The following CCDC192 variants were observed in gnomAD, a reference collection of about 807,000 sequenced individuals.
CCDC192 encodes coiled-coil domain containing 192.
intron 2 of CCDC192, among the ~76,000 whole-genome samples, chr5:127,712,253 A>G (rs1204130948): frequency 6.6e-6 from 1 of 152,122 alleles, no homozygotes; most frequent in African/African-American, 2.4e-5. Context: ...CAGATTGGAT[A>G]TGGTTTGTTT....
intron 5 of CCDC192, among the ~76,000 whole-genome samples, chr5:127,803,774 A>G (rs889281086): frequency 1.3e-5 from 2 of 152,158 alleles, no homozygotes; most frequent in African/African-American, 4.8e-5. Context: ...ATAATATTCA[A>G]TGGGTTTATT....
chr5:127,716,840 C>G (rs1195278692), intron 2 of CCDC192, among the ~76,000 whole-genome samples: 2 of 152,190 alleles, frequency 1.3e-5, no homozygotes, highest in Non-Finnish European at 2.9e-5. Context: ...CCATATCTCC[C>G]CTTGGAATTG....
intron 5 of CCDC192, among the ~76,000 whole-genome samples, chr5:127,867,482 A>G (rs1751661901): frequency 6.6e-6 from 1 of 152,210 alleles, no homozygotes; most frequent in Non-Finnish European, 1.5e-5. Flanking sequence ...CACTTCTTAC[A>G]GATGTTTGCC....
intron 3 of CCDC192, among the ~76,000 whole-genome samples, chr5:127,775,076 C>T (rs1395800909): frequency 6.6e-6 from 1 of 152,032 alleles, no homozygotes; most frequent in African/African-American, 2.4e-5. Context: ...TAAATCATGC[C>T]TTTTTTTCCC....
intron 2 of CCDC192, among the ~76,000 whole-genome samples, chr5:127,737,229 G>C (rs1580560781): frequency 6.6e-6 from 1 of 152,050 alleles, no homozygotes; most frequent in East Asian, 1.9e-4. Context: ...TTTCCATGTA[G>C]TTGAGCGGTT....
intron 6 of CCDC192, among the ~76,000 whole-genome samples, chr5:127,884,342 C>CAAAAAAAAAAAAAAAAAAA (rs778430655): frequency 3.4e-4 from 4 of 11,852 alleles, no homozygotes; most frequent in Non-Finnish European, 5.5e-4. Context: ...GACTCCGTCT[C>CAAAAAAAAAAAAAAAAAAA]AAAAAAAAAA....
chr5:127,761,535 T>G (rs879868618), intron 3 of CCDC192, among the ~76,000 whole-genome samples: 16 of 152,076 alleles, frequency 1.1e-4, no homozygotes, highest in Non-Finnish European at 1.8e-4. Flanking sequence ...TCTATGTGCA[T>G]GTGTATGTTG....
chr5:127,721,816 T>C (rs564396013), intron 2 of CCDC192, among the ~76,000 whole-genome samples: 35 of 152,212 alleles, frequency 2.3e-4, no homozygotes, highest in Admixed American at 3.9e-4. Context: ...GAAGGAGGCA[T>C]GTCTTGCATG....
At chr5:127,866,749 G>A (rs1309915276) in intron 5 of CCDC192, among the ~76,000 whole-genome samples, 4 of 151,870 alleles carry the variant, frequency 2.6e-5, no homozygotes, top group South Asian at 2.1e-4. Flanking sequence ...ATGAGATCAC[G>A]TCCATTTCAC....
Position 127,810,371 on chromosome 5 carries a change from A to G in CCDC192, c.411+12209A>G, listed in dbSNP as rs1182993133. On this transcript the variant is annotated intron_variant, in intron 5 of 6. Coordinates refer to ENST00000514853, the MANE Select transcript of CCDC192 (RefSeq NM_001317938.2). ...TTGGCCAAAAAAGAAGAGATTGTTGAGGTGTGGGCTTGGAAAACTTCTAAC... is the reference window on the plus strand; with the variant it reads ...TTGGCCAAAAAAGAAGAGATTGTTGGGGTGTGGGCTTGGAAAACTTCTAAC... Among the ~76,000 whole-genome samples the G allele has an allele frequency of 2.0e-5, 3 of 152,142 alleles. No individual in the cohort carries two copies. The East Asian group carries it at 5.8e-4, about 29-fold the overall frequency.
chr5:127,908,849 T>C (rs1319229886), intron 6 of CCDC192, among the ~76,000 whole-genome samples: 1 of 152,190 alleles, frequency 6.6e-6, no homozygotes, highest in African/African-American at 2.4e-5. Flanking sequence ...AGGGAAATAA[T>C]GGTTGTGAAA....
intron 4 of CCDC192, 85 bp downstream of exon 4, chr5:127,797,319 G>C: frequency 2.6e-6 from 1 of 384,496 alleles, no homozygotes; most frequent in Non-Finnish European, 4.6e-6. Flanking sequence ...ATTTCAGTCT[G>C]GATTAAAAGT....
intron 3 of CCDC192, among the ~76,000 whole-genome samples, chr5:127,795,721 C>T (rs1398576535): frequency 1.3e-5 from 2 of 152,120 alleles, no homozygotes; most frequent in Non-Finnish European, 2.9e-5. Context: ...GCTGGGACTA[C>T]AGGCACCTGC....
At chr5:127,833,944 T>A (rs1286017999) in intron 5 of CCDC192, among the ~76,000 whole-genome samples, 2 of 152,114 alleles carry the variant, frequency 1.3e-5, no homozygotes, top group African/African-American at 4.8e-5. Context: ...AAAATGGAAA[T>A]CATAATGATG....
intron 2 of CCDC192, among the ~76,000 whole-genome samples, chr5:127,751,310 G>A (rs1300640969): frequency 1.3e-5 from 2 of 151,822 alleles, no homozygotes. Context: ...GGCAGGCCTG[G>A]TGGTGACAAA....
intron 2 of CCDC192, among the ~76,000 whole-genome samples, chr5:127,724,893 T>A (rs926415972): frequency 2.6e-5 from 4 of 151,540 alleles, no homozygotes; most frequent in African/African-American, 9.7e-5. Flanking sequence ...TTTCAAATAT[T>A]CAAGTACTTA....
At chr5:127,810,972 A>G (rs1418875795) in intron 5 of CCDC192, among the ~76,000 whole-genome samples, 2 of 152,182 alleles carry the variant, frequency 1.3e-5, no homozygotes, top group South Asian at 2.1e-4. Flanking sequence ...CTATGGGCCC[A>G]TTCAGAGCCT....
intron 5 of CCDC192, among the ~76,000 whole-genome samples, chr5:127,866,211 A>T (rs980544453): frequency 1.3e-5 from 2 of 152,062 alleles, no homozygotes; most frequent in African/African-American, 4.8e-5. Flanking sequence ...AACTTCTTAC[A>T]TTGCCCAGTC....
intron 2 of CCDC192, among the ~76,000 whole-genome samples, chr5:127,747,109 T>C (rs1014384972): frequency 1.6e-4 from 24 of 151,900 alleles, no homozygotes; most frequent in Non-Finnish European, 2.6e-4. Flanking sequence ...TATTTATTTA[T>C]TTTTTTATTG....
Sources: allele counts gnomAD v4.1 joint callset (sites outside exome capture counted in the v4.1 genomes callset), GRCh38; gene constraint gnomAD v4.1.1; transcripts MANE v1.5; gene names NCBI Gene and HGNC (gene_info 2026-07-23, HGNC 2026-07-21).